Variants in CPNE9 observed in about 807,000 individuals in gnomAD.
CPNE9 encodes copine family member 9, also known as copine-9.
Under a neutral mutation model 83.0 loss-of-function variants are expected in CPNE9, and 59 were observed. The observed-to-expected ratio is 0.71, with a 90% confidence interval of 0.58 to 0.88. The LOEUF (loss-of-function observed/expected upper bound fraction) is 0.88, where lower values mean the gene tolerates loss of function less well. Ranked by LOEUF, CPNE9 falls within the 40% of genes least tolerant of loss-of-function variation. The pLI, the probability that CPNE9 is intolerant of heterozygous loss-of-function variation, is 0.00. For missense variants in CPNE9, 619 were observed against 720.8 expected, an observed-to-expected ratio of 0.86 and a Z score of 1.62; for synonymous variants, 256 against 273.4, an observed-to-expected ratio of 0.94 and a Z score of 0.63.
At chr3:9,707,779 G>A (rs1452829173) in intron 7 of CPNE9, among the ~76,000 whole-genome samples, 1 of 136,810 alleles carries the variant, frequency 7.3e-6, no homozygotes, top group Non-Finnish European at 1.6e-5. Flanking sequence ...GACTGTCTGT[G>A]GACAAAAAAG....
intron 10 of CPNE9, among the ~76,000 whole-genome samples, chr3:9,714,415 GA>G (rs1343144494): frequency 3.3e-5 from 5 of 151,932 alleles, no homozygotes; most frequent in Admixed American, 2.6e-4. Context: ...TGACAGTTAA[GA>G]ACAAAGTCTT....
chr3:9,722,387 C>T (rs886728702), intron 17 of CPNE9, among the ~76,000 whole-genome samples: 4 of 152,174 alleles, frequency 2.6e-5, no homozygotes, highest in African/African-American at 9.7e-5. Flanking sequence ...CCTCTGGCCA[C>T]TCACCCATTT....
In CPNE9 at chr3:9,710,270, G is replaced by C. The variant is rs144815761; in HGVS notation, c.378-2271G>C. Among the ~76,000 whole-genome samples, 26 of 152,348 alleles carry C rather than the reference G, an allele frequency of 1.7e-4. No individual in the cohort carries two copies. The East Asian group carries it at 4.6e-3, about 27-fold the overall frequency. ...TGAAGTGATGTTCTCGTGCAGACAAGACAGTATGAAATATAGTACACAGTG... is the reference window on the plus strand; with the variant it reads ...TGAAGTGATGTTCTCGTGCAGACAACACAGTATGAAATATAGTACACAGTG... On this transcript the variant is annotated intron_variant, in intron 7 of 20. Coordinates refer to ENST00000383832, the MANE Select transcript of CPNE9 (RefSeq NM_153635.3).
Position 9,704,081 on chromosome 3 carries a change from G to T in CPNE9, c.68+17G>T. 6.2e-7 allele frequency: 1 copy of T among 1,600,192 alleles called. No individual in the cohort carries two copies. ...GTCCTGCCGGTGAGCGGGCCGCGCT[G>T]GGGAGGGCTTAGGCACTGGCACTGC... On this transcript the variant is annotated intron_variant, in intron 1 of 20. Coordinates refer to ENST00000383832, the MANE Select transcript of CPNE9 (RefSeq NM_153635.3). This position sits in a 1 kb window ranked among gnomAD's most constrained non-coding sequence, Gnocchi z 7.1.
intron 4 of CPNE9, 75 bp downstream of exon 4, chr3:9,705,069 C>G (rs1027605205): frequency 5.2e-5 from 56 of 1,085,540 alleles, no homozygotes; most frequent in Non-Finnish European, 7.6e-5. Context: ...TGGCCCCACC[C>G]CCGCCTCGCC....
At chr3:9,724,435 C>A (rs769838745) in intron 17 of CPNE9, among the ~76,000 whole-genome samples, 4 of 152,048 alleles carry the variant, frequency 2.6e-5, no homozygotes, top group Non-Finnish European at 5.9e-5. Context: ...AGCAAGGAAG[C>A]CTTCAGCCTT....
At chr3:9,725,686 A>ATATATGTGTATATATG (rs767348050) in intron 17 of CPNE9, among the ~76,000 whole-genome samples, 21,117 of 132,200 alleles carry the variant, frequency 0.16, 2,060 homozygotes, top group South Asian at 0.36. Flanking sequence ...GTATATATAT[A>ATATATGTGTATATATG]TACATATATG....
In CPNE9 at chr3:9,705,126, C is replaced by G. The variant is rs976832088; in HGVS notation, c.260+132C>G. On this transcript the variant is annotated intron_variant, in intron 4 of 20. Coordinates refer to ENST00000383832, the MANE Select transcript of CPNE9 (RefSeq NM_153635.3). Reference sequence around the variant, plus strand: ...GGCCTCCCTCCCATTCTGAATGGCCCCCTCTAGCCTGAGCCCTGCCCTTTT... The same window carrying G: ...GGCCTCCCTCCCATTCTGAATGGCCGCCTCTAGCCTGAGCCCTGCCCTTTT... 91 of 721,282 alleles carry G rather than the reference C, an allele frequency of 1.3e-4. 1 individual carries two copies. The South Asian group carries it at 1.4e-3, about 11-fold the overall frequency. 44.7% of individuals were successfully genotyped at this position (721,282 alleles called of 1,614,324 possible).
At chr3:9,710,552 T>C (rs1421898670) in intron 7 of CPNE9, among the ~76,000 whole-genome samples, 2 of 152,226 alleles carry the variant, frequency 1.3e-5, no homozygotes, top group Non-Finnish European at 1.5e-5. Flanking sequence ...CCTTGGGATG[T>C]ACAGTATGAC....
intron 10 of CPNE9, among the ~76,000 whole-genome samples, chr3:9,714,160 G>T (rs2125466368): frequency 1.3e-5 from 2 of 152,306 alleles, no homozygotes; most frequent in South Asian, 4.1e-4. Context: ...GTAGATGAAT[G>T]GTTATGCTGA....
chr3:9,705,520 A>C lies in CPNE9; in HGVS notation c.297+20A>C. The C allele has an allele frequency of 6.2e-7, 1 of 1,605,964 alleles. No individual in the cohort carries two copies. The highest frequency in any genetic ancestry group is 8.5e-7 in the Non-Finnish European group (1 of 1,176,524). ...AAACCGGTGAGCAAACGTTTCCTCG[A>C]GGGTTGGCGGAGCGCACAGGAGGCA... On this transcript the variant is annotated intron_variant, in intron 5 of 20. Transcript: ENST00000383832.
chr3:9,720,439 C>T (rs1021483671), intron 17 of CPNE9, among the ~76,000 whole-genome samples: 6 of 151,932 alleles, frequency 3.9e-5, no homozygotes, highest in African/African-American at 1.5e-4. Flanking sequence ...AAACTTGAGA[C>T]ATGTGACACA....
Position 9,729,510 on chromosome 3 carries a change from G to A in CPNE9, c.1480G>A (p.Val494Ile), listed in dbSNP as rs201113356. Residue 494 changes from valine (V) to isoleucine (I), a missense_variant, in exon 21 of 21, where the codon GTC becomes ATC. Coordinates refer to ENST00000383832, the MANE Select transcript of CPNE9 (RefSeq NM_153635.3). Reference protein sequence around the residue: ...RYAERDIVQFVPFRDYVDRSG... With the variant: ...RYAERDIVQFIPFRDYVDRSG... ...TTCTTGTCTGTGCCTGACCCAGTTC[G>A]TCCCATTCCGAGACTATGTTGACCG... 6.8e-6 allele frequency: 11 copies of A among 1,611,226 alleles called. No homozygotes were observed. The highest frequency in any genetic ancestry group is 6.7e-5 in the East Asian group (3 of 44,790).
chr3:9,710,076 GA>G lies in CPNE9; in HGVS notation c.378-2464del, dbSNP rs890902085. ...GCATAGTGTAATCCCAGCTACTCTG[GA>G]GGCTGAGGTGAGAGAATCACTTGAG... On this transcript the variant is annotated intron_variant, in intron 7 of 20. Coordinates refer to ENST00000383832, the MANE Select transcript of CPNE9 (RefSeq NM_153635.3). 7.9e-5 allele frequency among the ~76,000 whole-genome samples: 12 copies of G among 152,056 alleles called. No individual in the cohort carries two copies. The East Asian group carries it at 2.1e-3, about 27-fold the overall frequency.
intron 17 of CPNE9, among the ~76,000 whole-genome samples, chr3:9,725,685 T>TAC (rs1382204395): frequency 3.2e-5 from 4 of 126,424 alleles, no homozygotes; most frequent in Non-Finnish European, 6.7e-5. Context: ...TGTATATATA[T>TAC]ATACATATAT....
intron 17 of CPNE9, among the ~76,000 whole-genome samples, chr3:9,720,511 T>C (rs1008752937): frequency 6.6e-6 from 1 of 152,220 alleles, no homozygotes; most frequent in Non-Finnish European, 1.5e-5. Flanking sequence ...ATTTATTTTC[T>C]AATTTGCAGT....
At chr3:9,707,553 G>A (rs1225866152) in intron 7 of CPNE9, among the ~76,000 whole-genome samples, 1 of 151,520 alleles carries the variant, frequency 6.6e-6, no homozygotes, top group African/African-American at 2.4e-5. Context: ...AAGAGGAGTT[G>A]AGGACAACAC....
chr3:9,728,877 G>GTTCTC (rs958224832), intron 20 of CPNE9, among the ~76,000 whole-genome samples: 2 of 151,758 alleles, frequency 1.3e-5, no homozygotes, highest in Non-Finnish European at 2.9e-5. Context: ...ACCTCCTCCT[G>GTTCTC]TTCTCAGGAT....
chr3:9,708,664 C>T (rs1207472045), intron 7 of CPNE9, among the ~76,000 whole-genome samples: 3 of 151,928 alleles, frequency 2.0e-5, no homozygotes, highest in Admixed American at 6.6e-5. Context: ...GACGGAGTCT[C>T]GCTCTGTCAC....
Sources: allele counts gnomAD v4.1 joint callset (sites outside exome capture counted in the v4.1 genomes callset), GRCh38; gene constraint gnomAD v4.1.1; non-coding constraint Gnocchi (gnomAD v3.1); transcripts MANE v1.5; gene names NCBI Gene and HGNC (gene_info 2026-07-23, HGNC 2026-07-21).